CALN1: variants seen among roughly 807,000 people sequenced by gnomAD.
The protein encoded by CALN1 is calcium-binding protein 8.
Under a neutral mutation model 30.6 loss-of-function variants are expected in CALN1, and 17 were observed. That is an observed-to-expected ratio of 0.56 (90% CI 0.38 to 0.83). The LOEUF (loss-of-function observed/expected upper bound fraction) is 0.83, where lower values mean the gene tolerates loss of function less well. Among genes scored for constraint, CALN1 ranks in the 40% least tolerant of loss-of-function variants. CALN1 has a pLI of 0.00. For synonymous variants in CALN1, 156 were observed against 131.4 expected (o/e 1.19, Z -1.28); for missense variants, 291 against 354.9 (o/e 0.82, Z 1.45).
chr7:72,411,169 A>C (rs892950525), intron 1 of CALN1, among the ~76,000 whole-genome samples: 1 of 152,258 alleles, frequency 6.6e-6, no homozygotes, highest in African/African-American at 2.4e-5. Context: ...AAAAACTATC[A>C]AAAGGAAAAA....
At position 72,371,342 on chromosome 7, in the gene CALN1, G is replaced by T. The variant is rs571006029; in HGVS notation, c.119+31909C>A. ...CCCTACCCAAATCTCATCTTGAATT[G>T]TAGTGCCCTTAATCCCCTAAACATG... On this transcript the variant is annotated intron_variant, in intron 2 of 6. Coordinates refer to ENST00000395275, the MANE Select transcript of CALN1 (RefSeq NM_031468.4). Among the ~76,000 whole-genome samples, 6 of 152,298 alleles carry T rather than the reference G, an allele frequency of 3.9e-5. No homozygotes were observed. In the South Asian group the frequency reaches 1.2e-3, roughly 32 times the overall value.
chr7:71,813,756 C>T (rs1318105559), intron 5 of CALN1, among the ~76,000 whole-genome samples: 2 of 151,806 alleles, frequency 1.3e-5, no homozygotes, highest in Non-Finnish European at 2.9e-5. Context: ...GGTGAAACCC[C>T]GTCTCTACTA....
intron 2 of CALN1, among the ~76,000 whole-genome samples, chr7:72,313,555 G>T (rs923193626): frequency 2.6e-5 from 4 of 152,040 alleles, no homozygotes; most frequent in Admixed American, 1.3e-4. Context: ...ACCATGCCTG[G>T]CTCATTGTTT....
intron 5 of CALN1, among the ~76,000 whole-genome samples, chr7:71,831,817 G>A (rs529642414): frequency 7.4e-6 from 1 of 134,564 alleles, no homozygotes; most frequent in African/African-American, 2.8e-5. Flanking sequence ...GCATGAGCCC[G>A]GAAGGTGGAG....
intron 6 of CALN1, among the ~76,000 whole-genome samples, chr7:71,797,992 G>A (rs1305147946): frequency 6.6e-6 from 1 of 151,894 alleles, no homozygotes; most frequent in Non-Finnish European, 1.5e-5. Context: ...GTCTGCCCAG[G>A]AATGGAGCTA....
chr7:72,234,262 A>G (rs1026091739), intron 3 of CALN1, among the ~76,000 whole-genome samples: 1 of 152,094 alleles, frequency 6.6e-6, no homozygotes, highest in African/African-American at 2.4e-5. Context: ...CAACAAGAGA[A>G]GACAAGAAAC....
the CALN1 span, among the ~76,000 whole-genome samples, chr7:72,465,001 G>C: frequency 6.6e-6 from 1 of 152,126 alleles, no homozygotes; most frequent in Non-Finnish European, 1.5e-5. Flanking sequence ...ACAGCCTCAG[G>C]GTCCCAGAGG....
At chr7:71,990,102 A>T (rs1295944638) in intron 5 of CALN1, among the ~76,000 whole-genome samples, 3 of 152,150 alleles carry the variant, frequency 2.0e-5, no homozygotes, top group Non-Finnish European at 4.4e-5. Flanking sequence ...AATACAGGTC[A>T]CAAAGATGTT....
intron 2 of CALN1, among the ~76,000 whole-genome samples, chr7:72,378,939 C>T (rs955368819): frequency 2.6e-5 from 4 of 152,082 alleles, no homozygotes; most frequent in Admixed American, 6.6e-5. Flanking sequence ...AATGCTTTTT[C>T]CGCATCTAAC....
intron 5 of CALN1, among the ~76,000 whole-genome samples, chr7:71,847,817 GAGA>G (rs934413409): frequency 8.2e-4 from 80 of 97,646 alleles, no homozygotes; most frequent in African/African-American, 4.0e-3. Flanking sequence ...GAAGGAGAAG[GAGA>G]AGGAGAAGGA....
chr7:71,958,065 C>CAAAAAAAAAAAAAAAAAA (rs56355838), intron 5 of CALN1, among the ~76,000 whole-genome samples: 2 of 93,862 alleles, frequency 2.1e-5, no homozygotes, highest in African/African-American at 4.2e-5. Flanking sequence ...AACTCCATCT[C>CAAAAAAAAAAAAAAAAAA]AAAAAAAAAA....
At chr7:71,940,672 C>CA (rs1474683737) in intron 5 of CALN1, among the ~76,000 whole-genome samples, 3 of 152,176 alleles carry the variant, frequency 2.0e-5, no homozygotes, top group Non-Finnish European at 2.9e-5. Flanking sequence ...GGCATGATCT[C>CA]AGCTCATTGC....
intron 1 of CALN1, among the ~76,000 whole-genome samples, chr7:72,437,731 C>A (rs1808212442): frequency 7.8e-6 from 1 of 128,552 alleles, no homozygotes. Flanking sequence ...CTTTCCTTCC[C>A]CCCTCCCACC....
chr7:71,891,546 AT>A (rs1377791352), intron 5 of CALN1, among the ~76,000 whole-genome samples: 1 of 152,194 alleles, frequency 6.6e-6, no homozygotes, highest in African/African-American at 2.4e-5. Flanking sequence ...TGGTGCCTCC[AT>A]TTTCCCATCA....
intron 5 of CALN1, among the ~76,000 whole-genome samples, chr7:71,991,651 T>C (rs991107619): frequency 6.6e-6 from 1 of 152,122 alleles, no homozygotes; most frequent in African/African-American, 2.4e-5. Context: ...ACAAGGAATA[T>C]AATCAAGCCA....
At chr7:72,435,716 G>T (rs980528641) in intron 1 of CALN1, among the ~76,000 whole-genome samples, 2 of 152,170 alleles carry the variant, frequency 1.3e-5, no homozygotes, top group South Asian at 4.1e-4. Flanking sequence ...CCCTGGCTCC[G>T]GCACAAGCAA....
chr7:72,148,153 AAAAG>A (rs1786918022), intron 3 of CALN1, among the ~76,000 whole-genome samples: 1 of 151,490 alleles, frequency 6.6e-6, no homozygotes, highest in Non-Finnish European at 1.5e-5. Context: ...AGAAAAAAAA[AAAAG>A]AAATATGATC....
chr7:71,801,416 G>GTATCTATC lies in CALN1; in HGVS notation c.658+8919_658+8920insGATAGATA, dbSNP rs1245370935. Among the ~76,000 whole-genome samples the GTATCTATC allele has an allele frequency of 3.7e-3, 404 of 107,994 alleles. 1 individual carries two copies. The highest frequency in any genetic ancestry group is 0.01 in the Middle Eastern group (2 of 200). The allele number at this position is 107,994 out of a possible 152,430, so 70.8% of individuals were successfully genotyped here. A position where few individuals can be genotyped will look rare whatever the true frequency, so the allele number is the denominator to read the frequency against. ...TGTATGTATGTATGTATGTATGTAT[G>GTATCTATC]TATGTATGTATGTATCTATCTATCT... On this transcript the variant is annotated intron_variant, in intron 6 of 6. Coordinates refer to ENST00000395275, the MANE Select transcript of CALN1 (RefSeq NM_031468.4).
intron 5 of CALN1, among the ~76,000 whole-genome samples, chr7:71,811,058 C>A (rs905165372): frequency 1.3e-5 from 2 of 152,002 alleles, no homozygotes; most frequent in Non-Finnish European, 2.9e-5. Context: ...CCACGCCCGG[C>A]TAATTTTTTT....
Sources: gnomAD v4.1 joint callset for allele counts (sites outside exome capture counted in the v4.1 genomes callset) on GRCh38, gnomAD v4.1.1 for gene constraint, MANE v1.5 for transcripts, NCBI Gene and HGNC (gene_info 2026-07-23, HGNC 2026-07-21) for gene names.